TUB: variants seen among roughly 807,000 people sequenced by gnomAD.
TUB encodes the protein TUB bipartite transcription factor, also known as tubby protein homolog.
In TUB, 33 loss-of-function variants were observed where a neutral mutation model predicts 59.7. The observed-to-expected ratio is 0.55, with a 90% CI of 0.42 to 0.74. TUB has a LOEUF of 0.74. TUB is among the 30% of genes least tolerant of loss of function. TUB has a pLI of 0.00. For synonymous variants in TUB, 293 were observed against 256.4 expected (o/e 1.14, Z -1.36); for missense variants, 659 against 672.0 (o/e 0.98, Z 0.21).
At chr11:8,089,492 G>T (rs1357725682) in intron 1 of TUB, 118 bp from the exon 2 acceptor site, 10 of 1,235,510 alleles carry the variant, frequency 8.1e-6, no homozygotes, top group Non-Finnish European at 1.2e-5. Context: ...GGCTCACTGA[G>T]TCCCAGCAGC....
chr11:8,101,599 A>G lies in TUB; in HGVS notation c.1501A>G (p.Ser501Gly), dbSNP rs750871164. The change falls in exon 12 of 12, where the codon AGC becomes GGC. Residue 501 changes from serine to glycine, a missense_variant. Physicochemically the swap from Ser to Gly is moderately conservative, Grantham distance 56. This residue lies in a region of TUB where 226 missense variants were observed against 210.8 expected (regional missense o/e 1.07). Coordinates refer to ENST00000299506, the MANE Select transcript of TUB (RefSeq NM_177972.3). ...TGCCATTGCCCTGTCCAGCTTCGAC[A>G]GCAAGCTGGCGTGCGAGTAGAGGCC... ...AFAIALSSFD[S>G]KLACE is the part of the protein sequence containing the mutation. The G allele has an allele frequency of 6.2e-7, 1 of 1,614,232 alleles. No homozygotes were observed. Among genetic ancestry groups the G allele is most frequent in the South Asian group, 1.1e-5 (1 of 91,084 alleles).
chr11:8,091,020 T>G (rs752315064), intron 3 of TUB, among the ~76,000 whole-genome samples: 13 of 152,106 alleles, frequency 8.5e-5, no homozygotes, highest in Admixed American at 2.0e-4. Context: ...TCTAAAAAGG[T>G]TGCAGGCATC....
chr11:8,019,844 C>T (rs968432380), intron 1 of TUB, among the ~76,000 whole-genome samples: 4 of 152,056 alleles, frequency 2.6e-5, no homozygotes, highest in African/African-American at 9.7e-5. Context: ...CGCTGGCTGC[C>T]GGGGACCCGC....
In TUB at chr11:8,101,852, CCA is replaced by C; in HGVS notation, c.*234_*235del. 2.4e-6 allele frequency: 1 copy of C among 423,656 alleles called. No homozygotes were observed. Among genetic ancestry groups the C allele is most frequent in the South Asian group, 9.4e-5 (1 of 10,638 alleles). 26.2% of individuals were successfully genotyped at this position (423,656 alleles called of 1,614,324 possible). A position where few individuals can be genotyped will look rare whatever the true frequency, so the allele number is the denominator to read the frequency against. On this transcript the variant is annotated 3_prime_UTR_variant, in exon 12 of 12. Coordinates refer to ENST00000299506, the MANE Select transcript of TUB (RefSeq NM_177972.3). ...TGTGAAGGGATGAGAATAATTCTTTCCATGCCACGAGATCAACACACACTCCC... is the reference window on the plus strand; with the variant it reads ...TGTGAAGGGATGAGAATAATTCTTTCTGCCACGAGATCAACACACACTCCC...
chr11:8,052,754 C>T (rs1274185145), intron 2 of TUB, among the ~76,000 whole-genome samples: 2 of 152,116 alleles, frequency 1.3e-5, no homozygotes, highest in Non-Finnish European at 2.9e-5. Context: ...GGATTACAGG[C>T]GTGAGCCACT....
intron 2 of TUB, among the ~76,000 whole-genome samples, chr11:8,069,717 A>G (rs1943324096): frequency 6.6e-6 from 1 of 151,300 alleles, no homozygotes; most frequent in South Asian, 2.1e-4. Flanking sequence ...TTTTCCTTCC[A>G]GATAATCTAT....
rs1944014386 is a variant in TUB at position 8,096,817 on chromosome 11, G to C, written c.687+11G>C. The C allele has an allele frequency of 1.2e-6, 2 of 1,613,938 alleles. No homozygotes were observed. Among genetic ancestry groups the C allele is most frequent in the Non-Finnish European group, 1.7e-6 (2 of 1,179,940 alleles). On this transcript the variant is annotated intron_variant, in intron 6 of 11. Coordinates refer to ENST00000299506, the MANE Select transcript of TUB (RefSeq NM_177972.3). Reference sequence around the variant, plus strand: ...AGGAAGTCCGTCAGGGTGAGTGAGTGAGTCTGCATCCACAGCAGTTTTTGG... The same window carrying C: ...AGGAAGTCCGTCAGGGTGAGTGAGTCAGTCTGCATCCACAGCAGTTTTTGG...
At chr11:8,070,223 A>G (rs932844616) in intron 2 of TUB, among the ~76,000 whole-genome samples, 4 of 152,214 alleles carry the variant, frequency 2.6e-5, no homozygotes, top group African/African-American at 7.2e-5. Context: ...AGGAAGAATG[A>G]CTGTCTTTAA....
upstream of TUB, among the ~76,000 whole-genome samples, chr11:8,036,898 C>T (rs1942654421): frequency 6.6e-6 from 1 of 152,156 alleles, no homozygotes; most frequent in Non-Finnish European, 1.5e-5. Flanking sequence ...ATAAGTTCAC[C>T]TTTTTTCCTG....
intron 5 of TUB, 91 bp downstream of exon 5, chr11:8,095,756 C>A: frequency 7.3e-7 from 1 of 1,369,170 alleles, no homozygotes; most frequent in Non-Finnish European, 9.9e-7. Context: ...TTCCTGTGTC[C>A]AAACCCCTCC....
chr11:8,077,492 C>T (rs1943468051), upstream of TUB: 1 of 151,572 alleles, frequency 6.6e-6, no homozygotes, highest in Non-Finnish European at 1.5e-5. Flanking sequence ...ATGTCATCCT[C>T]TGTCTGTATG....
At chr11:8,029,881 GA>G (rs1942546786) in intron 1 of TUB, among the ~76,000 whole-genome samples, 1 of 152,164 alleles carries the variant, frequency 6.6e-6, no homozygotes, top group South Asian at 2.1e-4. Context: ...CAGGGGGCTG[GA>G]GGCTCTGCTT....
At chr11:8,085,826 C>T (rs773119248) in intron 1 of TUB, among the ~76,000 whole-genome samples, 7 of 152,308 alleles carry the variant, frequency 4.6e-5, no homozygotes, top group Non-Finnish European at 1.0e-4. Flanking sequence ...AGGATGTTGG[C>T]TGTGTGTGCT....
intron 2 of TUB, among the ~76,000 whole-genome samples, chr11:8,066,585 G>A (rs1349567884): frequency 1.3e-5 from 2 of 152,158 alleles, no homozygotes; most frequent in East Asian, 3.9e-4. Context: ...GACTTCCCTG[G>A]GCAGCCACCC....
chr11:8,047,891 A>G (rs958824555), intron 2 of TUB, among the ~76,000 whole-genome samples: 2 of 152,160 alleles, frequency 1.3e-5, no homozygotes. Context: ...AAGGTCTTTG[A>G]TGACTGTGAT....
rs183787974 is a variant in TUB at position 8,085,981 on chromosome 11, G to A, written c.39-3629G>A. Among the ~76,000 whole-genome samples, 652 of 151,758 alleles carry A rather than the reference G, an allele frequency of 4.3e-3. 5 individuals are homozygous for A. Among genetic ancestry groups the A allele is most frequent in the Non-Finnish European group, 7.2e-3 (490 of 67,832 alleles). Reference sequence around the variant, plus strand: ...GGGAGGTGAAGCTGCCACCTCGTTGGTGCTGGACTGAGCAGATGGATTGGT... The same window carrying A: ...GGGAGGTGAAGCTGCCACCTCGTTGATGCTGGACTGAGCAGATGGATTGGT... On this transcript the variant is annotated intron_variant, in intron 1 of 11. Coordinates refer to ENST00000299506, the MANE Select transcript of TUB (RefSeq NM_177972.3).
intron 1 of TUB, among the ~76,000 whole-genome samples, chr11:8,088,826 C>T (rs1266585597): frequency 2.6e-5 from 4 of 152,248 alleles, no homozygotes; most frequent in South Asian, 2.1e-4. Context: ...TGAGATGAGG[C>T]TCCCTGTCCC....
At chr11:8,052,119 G>A (rs749505591) in intron 2 of TUB, among the ~76,000 whole-genome samples, 9 of 152,192 alleles carry the variant, frequency 5.9e-5, no homozygotes, top group Admixed American at 1.3e-4. Flanking sequence ...AACTGGCATG[G>A]CAAATGCCTC....
intron 2 of TUB, among the ~76,000 whole-genome samples, chr11:8,047,094 A>G (rs1000646569): frequency 1.3e-5 from 2 of 152,240 alleles, no homozygotes; most frequent in East Asian, 1.9e-4. Context: ...GCTGTTTACT[A>G]TCTGGTTCCT....
Sources: allele counts gnomAD v4.1 joint callset (sites outside exome capture counted in the v4.1 genomes callset), GRCh38; gene constraint gnomAD v4.1.1; regional missense constraint gnomAD v4.1.1; transcripts MANE v1.5; gene names NCBI Gene and HGNC (gene_info 2026-07-23, HGNC 2026-07-21).